Variants in TKT observed in about 807,000 individuals in gnomAD.
The protein encoded by TKT is transketolase.
TKT carries 47 observed loss-of-function variants against 63.9 expected under a neutral mutation model. That is an observed-to-expected ratio of 0.74 (90% CI 0.58 to 0.94). TKT has a LOEUF of 0.94. Among genes scored for constraint, TKT ranks in the 40% least tolerant of loss-of-function variants. The pLI, the probability that TKT is intolerant of heterozygous loss-of-function variation, is 0.00. For missense variants in TKT, 721 were observed against 846.2 expected, an observed-to-expected ratio of 0.85 and a Z score of 1.84; for synonymous variants, 338 against 334.1, an observed-to-expected ratio of 1.01 and a Z score of -0.13.
At chr3:53,227,089 T>C in intron 12 of TKT, 1 of 581,658 alleles carries the variant, frequency 1.7e-6, no homozygotes, top group Non-Finnish European at 3.0e-6. Context: ...CTGGTCCAGC[T>C]GTGTTGCCCG....
chr3:53,231,057 C>T (rs1704733085), intron 7 of TKT, among the ~76,000 whole-genome samples: 2 of 152,174 alleles, frequency 1.3e-5, no homozygotes, highest in South Asian at 4.1e-4. Flanking sequence ...GCCAAGGGTC[C>T]CTCGTGGACC....
Position 53,230,611 on chromosome 3 carries a change from C to A in TKT, c.953G>T (p.Arg318Leu). Residue 318 changes from arginine (R) to leucine (L), a missense_variant, in exon 8 of 14, where the codon CGC becomes CTC. Coordinates refer to ENST00000462138, the MANE Select transcript of TKT (RefSeq NM_001064.4). ...GGCCAGTGCCTGCCCGTAGGCCTTGCGGGTGGCTATCTGTGAGGAAGAGAG... is the reference window on the plus strand; with the variant it reads ...GGCCAGTGCCTGCCCGTAGGCCTTGAGGGTGGCTATCTGTGAGGAAGAGAG... ...SYKVGDKIAT[R>L]KAYGQALAKL... 2 of 1,614,172 alleles carry A rather than the reference C, an allele frequency of 1.2e-6. No homozygotes were observed. The highest frequency in any genetic ancestry group is 1.7e-6 in the Non-Finnish European group (2 of 1,180,024).
At chr3:53,232,594 A>G (rs1352619634) in intron 6 of TKT, 1 of 398,672 alleles carries the variant, frequency 2.5e-6, no homozygotes, top group Non-Finnish European at 4.4e-6. Flanking sequence ...AGGAATCTGA[A>G]GCCCACACCT....
intron 1 of TKT, among the ~76,000 whole-genome samples, chr3:53,251,555 G>C (rs1705747292): frequency 6.6e-6 from 1 of 152,212 alleles, no homozygotes; most frequent in African/African-American, 2.4e-5. Context: ...CTGCTTCCTG[G>C]GCCTGGTGAG....
intron 3 of TKT, 65 bp from the exon 4 acceptor site, chr3:53,240,413 G>A (rs782727310): frequency 2.1e-5 from 31 of 1,490,842 alleles, no homozygotes; most frequent in Non-Finnish European, 2.9e-5. Flanking sequence ...CCCGCCTAGG[G>A]AGCCACACTC....
intron 1 of TKT, among the ~76,000 whole-genome samples, chr3:53,249,290 A>G (rs1705648986): frequency 6.6e-6 from 1 of 151,812 alleles, no homozygotes; most frequent in African/African-American, 2.4e-5. Flanking sequence ...TTTTTAAAAG[A>G]AAAAGGGCCT....
intron 4 of TKT, 36 bp from the exon 5 acceptor site, chr3:53,235,210 A>G (rs782000783): frequency 6.4e-7 from 1 of 1,559,826 alleles, no homozygotes; most frequent in Non-Finnish European, 8.7e-7. Context: ...AGTCCCTCTC[A>G]CCTGGACCCA....
At position 53,235,178 on chromosome 3, in the gene TKT, T is replaced by C. The variant is rs979582144; in HGVS notation, c.438-4A>G. 1.9e-6 allele frequency: 3 copies of C among 1,606,916 alleles called. No individual in the cohort carries two copies. In the African/African-American group the frequency reaches 4.0e-5, roughly 21 times the overall value. ...CAGCAAGCAATAGACTCGGTAGCTG[T>C]GGACAGAGAGTGAATCAGGCCAGTC... On this transcript the variant is annotated splice_region_variant and splice_polypyrimidine_tract_variant and intron_variant, in intron 4 of 13. Coordinates refer to ENST00000462138, the MANE Select transcript of TKT (RefSeq NM_001064.4).
chr3:53,238,386 A>G (rs1553679141), intron 4 of TKT, among the ~76,000 whole-genome samples: 1 of 152,214 alleles, frequency 6.6e-6, no homozygotes, highest in African/African-American at 2.4e-5. Flanking sequence ...GCCTGCCCCA[A>G]GGCTCACCAA....
At chr3:53,227,873 C>T (rs891961122) in intron 12 of TKT, 183 bp downstream of exon 12, 40 of 584,904 alleles carry the variant, frequency 6.8e-5, no homozygotes, top group Non-Finnish European at 6.3e-5. Context: ...GACTTAGCAA[C>T]ATGCCAGACA....
At position 53,236,245 on chromosome 3, in the gene TKT, C is replaced by G. The variant is rs181973109; in HGVS notation, c.438-1071G>C. On this transcript the variant is annotated intron_variant, in intron 4 of 13. Coordinates refer to ENST00000462138, the MANE Select transcript of TKT (RefSeq NM_001064.4). ...CTCCTGCAGGAAAAGGCCCTCAACC[C>G]GGCTGCATGCTCAGCAGTCCAAGCC... 5.4e-3 allele frequency among the ~76,000 whole-genome samples: 825 copies of G among 152,328 alleles called. 37 individuals are homozygous for G. In the South Asian group the frequency reaches 0.1, roughly 19 times the overall value.
intron 1 of TKT, among the ~76,000 whole-genome samples, 180 bp downstream of exon 1, chr3:53,255,656 C>A (rs1028557208): frequency 5.3e-5 from 8 of 152,014 alleles, no homozygotes; most frequent in African/African-American, 1.9e-4. Context: ...TGCGGCGCAG[C>A]GGAAGCCGCC....
rs377737751 is a variant in TKT at position 53,255,974 on chromosome 3, G to A, written c.-32C>T. On this transcript the variant is annotated 5_prime_UTR_variant, in exon 1 of 14. Coordinates refer to ENST00000462138, the MANE Select transcript of TKT (RefSeq NM_001064.4). ...GCAGGCGGGGACCGGGCGCACACGC[G>A]GACACACAGAGATAGCGGCTGCTCC... The A allele has an allele frequency of 1.1e-5, 16 of 1,454,206 alleles. No individual in the cohort carries two copies. Among genetic ancestry groups the A allele is most frequent in the African/African-American group, 1.5e-5 (1 of 68,318 alleles). 90.1% of individuals were successfully genotyped at this position (1,454,206 alleles called of 1,614,324 possible).
At chr3:53,255,739 A>G in intron 1 of TKT, 97 bp downstream of exon 1, 1 of 807,446 alleles carries the variant, frequency 1.2e-6, no homozygotes, top group Non-Finnish European at 1.7e-6. Flanking sequence ...TCGTCTAGGC[A>G]TCTCGCAGCG....
chr3:53,233,045 T>C, intron 6 of TKT, 111 bp downstream of exon 6: 1 of 892,984 alleles, frequency 1.1e-6, no homozygotes, highest in Non-Finnish European at 1.8e-6. Context: ...TGGAGCCTGG[T>C]GAGCTCAGTG....
At chr3:53,249,133 A>AT (rs1287553050) in intron 1 of TKT, among the ~76,000 whole-genome samples, 31 of 149,666 alleles carry the variant, frequency 2.1e-4, no homozygotes, top group Non-Finnish European at 3.8e-4. Flanking sequence ...TGCCCGACTC[A>AT]TTTTTTTTGT....
Position 53,242,325 on chromosome 3 carries a change from G to A in TKT, c.108-83C>T, listed in dbSNP as rs565550642. On this transcript the variant is annotated intron_variant, in intron 1 of 13. Transcript: ENST00000462138. ...TGTGCTCAGCTGTACAGGGACCTGGGGGTGCATGTCCTGAGGAGTCACACA... is the reference window on the plus strand; with the variant it reads ...TGTGCTCAGCTGTACAGGGACCTGGAGGTGCATGTCCTGAGGAGTCACACA... 4.4e-6 allele frequency: 6 copies of A among 1,350,468 alleles called. No individual in the cohort carries two copies. The African/African-American group carries it at 7.2e-5, about 16-fold the overall frequency. The allele number at this position is 1,350,468 out of a possible 1,614,324, so 83.7% of individuals were successfully genotyped here. A position where few individuals can be genotyped will look rare whatever the true frequency, so the allele number is the denominator to read the frequency against.
intron 1 of TKT, among the ~76,000 whole-genome samples, chr3:53,252,483 T>A (rs1026242162): frequency 7.2e-5 from 11 of 152,246 alleles, no homozygotes; most frequent in Non-Finnish European, 2.9e-5. Flanking sequence ...TTTAAACATA[T>A]ACATACACAC....
At chr3:53,231,714 G>A (rs930211199) in intron 6 of TKT, 164 bp from the exon 7 acceptor site, 1 of 675,362 alleles carries the variant, frequency 1.5e-6, no homozygotes, top group Non-Finnish European at 2.5e-6. Flanking sequence ...CAGGAAAGGA[G>A]GGTCGCAGTG....
Sources: gnomAD v4.1 joint callset for allele counts (sites outside exome capture counted in the v4.1 genomes callset) on GRCh38, gnomAD v4.1.1 for gene constraint, MANE v1.5 for transcripts, NCBI Gene and HGNC (gene_info 2026-07-23, HGNC 2026-07-21) for gene names.